The following FARP1 variants were observed in gnomAD, a reference collection of about 807,000 sequenced individuals.
FARP1 encodes FERM, ARHGEF and pleckstrin domain-containing protein 1.
Under a neutral mutation model 128.8 loss-of-function variants are expected in FARP1, and 52 were observed. That is an observed-to-expected ratio of 0.40 (90% CI 0.32 to 0.51). The LOEUF (loss-of-function observed/expected upper bound fraction) is 0.51, where lower values mean the gene tolerates loss of function less well. Among genes scored for constraint, FARP1 ranks in the 20% least tolerant of loss-of-function variants. FARP1 has a pLI of 0.45. For synonymous variants in FARP1, 580 were observed against 551.8 expected (o/e 1.05, Z -0.72); for missense variants, 1,333 against 1,367.9 (o/e 0.97, Z 0.40).
At chr13:98,209,418 G>A (rs113277491) in intron 1 of FARP1, among the ~76,000 whole-genome samples, 13 of 152,058 alleles carry the variant, frequency 8.5e-5, no homozygotes, top group African/African-American at 2.4e-4. Context: ...CAGAGGCAGC[G>A]GGAGGGGAGG....
intron 6 of FARP1, among the ~76,000 whole-genome samples, chr13:98,379,249 T>C (rs1246091105): frequency 4.4e-5 from 6 of 135,112 alleles, no homozygotes. Flanking sequence ...CTATATATAA[T>C]CTATATATAT....
chr13:98,230,188 T>A (rs1270555983), intron 2 of FARP1, among the ~76,000 whole-genome samples: 1 of 152,198 alleles, frequency 6.6e-6, no homozygotes, highest in African/African-American at 2.4e-5. Context: ...ATAGGTAATT[T>A]TAATAATTAC....
In FARP1 at chr13:98,404,446, T is replaced by A. The variant is rs1199955239; in HGVS notation, c.1415-4892T>A. 6 of 152,350 alleles carry A rather than the reference T, an allele frequency of 3.9e-5. No homozygotes were observed. The East Asian group carries it at 7.7e-4, about 20-fold the overall frequency. The allele number at this position is 152,350 out of a possible 1,614,324, so 9.4% of individuals were successfully genotyped here. A position where few individuals can be genotyped will look rare whatever the true frequency, so the allele number is the denominator to read the frequency against. On this transcript the variant is annotated intron_variant, in intron 13 of 26. Coordinates refer to ENST00000319562, the MANE Select transcript of FARP1 (RefSeq NM_005766.4). ...ATATCAGACGCTAGTGAGTCCTGCC[T>A]ATTCAGGAAGCTACGTATTATTCAG... is the stretch of plus-strand genomic sequence containing the variant.
intron 13 of FARP1, chr13:98,407,301 T>C (rs1891017634): frequency 6.6e-6 from 1 of 152,218 alleles, no homozygotes; most frequent in Non-Finnish European, 1.5e-5. Context: ...AGAATTTCTC[T>C]CTTCTAATTC....
In FARP1 at chr13:98,450,461, G is replaced by C. The variant is rs1298496722; in HGVS notation, c.*2144G>C. The C allele has an allele frequency of 6.6e-6, 1 of 152,274 alleles. No homozygotes were observed. The highest frequency in any genetic ancestry group is 1.5e-5 in the Non-Finnish European group (1 of 68,074). The allele number at this position is 152,274 out of a possible 1,614,324, so 9.4% of individuals were successfully genotyped here. On this transcript the variant is annotated 3_prime_UTR_variant, in exon 27 of 27. Transcript: ENST00000319562. ...AAACTATTGGATAAGGAAGGCAGAT[G>C]CACTTCCAAGAAAATCAGAACCCAG...
intron 2 of FARP1, chr13:98,245,232 CT>C (rs1275065247): frequency 2.1e-5 from 21 of 985,160 alleles, no homozygotes; most frequent in African/African-American, 5.2e-5. Flanking sequence ...TTTTGTGTAA[CT>C]TTTTTATTCA....
At chr13:98,233,236 T>C (rs9554455) in intron 2 of FARP1, among the ~76,000 whole-genome samples, 17,747 of 152,220 alleles carry the variant, frequency 0.12, 2,499 homozygotes, top group East Asian at 0.49. Context: ...TCAGAACTAA[T>C]TAAGAAAGAG....
In FARP1 at chr13:98,241,827, G is replaced by T. The variant is rs191635246; in HGVS notation, c.171+28414G>T. 4.0e-3 allele frequency among the ~76,000 whole-genome samples: 609 copies of T among 152,242 alleles called. 4 individuals are homozygous for T. Among genetic ancestry groups the T allele is most frequent in the African/African-American group, 0.014 (578 of 41,536 alleles). ...TCAGCTACTTGGGAGGCTGAGGCAG[G>T]AGAATCGCTTGAACCCAGGAGGTGG... On this transcript the variant is annotated intron_variant, in intron 2 of 26. Coordinates refer to ENST00000319562, the MANE Select transcript of FARP1 (RefSeq NM_005766.4).
At position 98,453,110 on chromosome 13, in the gene FARP1, T is replaced by TAA; in HGVS notation, c.*4798_*4799dup. 1 of 1,596,584 alleles carries TAA rather than the reference T, an allele frequency of 6.3e-7. No homozygotes were observed. On this transcript the variant is annotated 3_prime_UTR_variant, in exon 27 of 27. Coordinates refer to ENST00000319562, the MANE Select transcript of FARP1 (RefSeq NM_005766.4). The stretch of plus-strand genomic sequence containing the variant: ...GTCAGCGAAGGCTCTCGTTGACTTT[T>TAA]AAAAAAGGAGGAGGATGAAGAAGGA...
chr13:98,197,703 A>C (rs1436384512), intron 1 of FARP1, among the ~76,000 whole-genome samples: 61 of 151,104 alleles, frequency 4.0e-4, no homozygotes, highest in Non-Finnish European at 1.0e-4. Flanking sequence ...GGCGCGATCT[A>C]GGCTCACTGC....
intron 2 of FARP1, among the ~76,000 whole-genome samples, chr13:98,280,577 CCCA>C (rs1486417095): frequency 1.3e-5 from 2 of 152,234 alleles, no homozygotes; most frequent in Non-Finnish European, 2.9e-5. Context: ...ACTGTCAGCA[CCCA>C]CGACTGTGGT....
chr13:98,166,158 C>T (rs190612111), intron 1 of FARP1, among the ~76,000 whole-genome samples: 9 of 152,194 alleles, frequency 5.9e-5, no homozygotes, highest in African/African-American at 1.4e-4. Context: ...TTCTTTTTAT[C>T]GGCATATAAA....
intron 2 of FARP1, among the ~76,000 whole-genome samples, chr13:98,327,434 G>A (rs1000909865): frequency 1.3e-5 from 2 of 152,160 alleles, no homozygotes; most frequent in African/African-American, 2.4e-5. Context: ...GTGCTTGTTA[G>A]GATGGTTTAC....
chr13:98,410,849 A>AT (rs769876727), intron 15 of FARP1, 26 bp downstream of exon 15: 11 of 1,181,538 alleles, frequency 9.3e-6, no homozygotes, highest in Non-Finnish European at 1.1e-5. Context: ...CCCCAAAAGC[A>AT]TTCGATTACA....
rs1468927624 is a variant in FARP1, at chr13:98,397,863, T to G, written c.1414+2387T>G. 1.6e-4 allele frequency: 24 copies of G among 146,716 alleles called. 1 individual carries two copies. In the Admixed American group the frequency reaches 1.7e-3, roughly 10 times the overall value. The allele number at this position is 146,716 out of a possible 1,614,324, so 9.1% of individuals were successfully genotyped here. A position where few individuals can be genotyped will look rare whatever the true frequency, so the allele number is the denominator to read the frequency against. ...ACAAACTGCTTTTTCTTGATGCCTG[T>G]GATTTGTACTTTTCAGCCTTAGGTA... On this transcript the variant is annotated intron_variant, in intron 13 of 26. Transcript: ENST00000319562.
In FARP1 at chr13:98,453,379, CTG is replaced by C. The variant is rs958710362; in HGVS notation, c.*5063_*5064del. The C allele has an allele frequency of 6.2e-6, 4 of 648,116 alleles. No individual in the cohort carries two copies. The African/African-American group carries it at 7.4e-5, about 12-fold the overall frequency. The allele number at this position is 648,116 out of a possible 1,614,324, so 40.1% of individuals were successfully genotyped here. On this transcript the variant is annotated 3_prime_UTR_variant, in exon 27 of 27. Coordinates refer to ENST00000319562, the MANE Select transcript of FARP1 (RefSeq NM_005766.4). ...AATTTTAAAAGAATGCATATAAAGA[CTG>C]AGAAGATCATGATTCTTACACAAAA...
chr13:98,234,551 G>A (rs1355289422), intron 2 of FARP1: 1 of 152,152 alleles, frequency 6.6e-6, no homozygotes, highest in African/African-American at 2.4e-5. Context: ...ACAATACTTT[G>A]TGTAGTGAAA....
chr13:98,250,502 C>T (rs1014932400), intron 2 of FARP1, among the ~76,000 whole-genome samples: 14 of 152,104 alleles, frequency 9.2e-5, no homozygotes, highest in Non-Finnish European at 1.8e-4. Flanking sequence ...GCGGGTGGAT[C>T]ACGAGGTCAA....
Position 98,218,474 on chromosome 13 carries a change from C to G in FARP1, c.171+5061C>G, listed in dbSNP as rs114422828. On this transcript the variant is annotated intron_variant, in intron 2 of 26. Transcript: ENST00000319562. ...AGTGAGGACCCTGTGTTGACATGCT[C>G]CTTGACAAATTAACTTTTTGTGACT... Among the ~76,000 whole-genome samples the G allele has an allele frequency of 2.6e-3, 399 of 152,254 alleles. 2 individuals carry two copies. The highest frequency in any genetic ancestry group is 9.2e-3 in the African/African-American group (384 of 41,538).
Sources: gnomAD v4.1 joint callset for allele counts (sites outside exome capture counted in the v4.1 genomes callset) on GRCh38, gnomAD v4.1.1 for gene constraint, MANE v1.5 for transcripts, NCBI Gene and HGNC (gene_info 2026-07-23, HGNC 2026-07-21) for gene names.